TET3: variants seen among roughly 807,000 people sequenced by gnomAD.
The protein encoded by TET3 is methylcytosine dioxygenase TET3.
Under a neutral mutation model 141.4 loss-of-function variants are expected in TET3, and 19 were observed. That is an observed-to-expected ratio of 0.13 (90% CI 0.09 to 0.20). The LOEUF (loss-of-function observed/expected upper bound fraction) is 0.20, where lower values mean the gene tolerates loss of function less well. TET3 is among the 10% of genes least tolerant of loss of function. The pLI is 1.00. For synonymous variants in TET3, 1,043 were observed against 980.9 expected (o/e 1.06, Z -1.18); for missense variants, 1,874 against 2,356.9 (o/e 0.80, Z 4.24).
chr2:74,017,842 T>G (rs2105226011), intron 3 of TET3, among the ~76,000 whole-genome samples: 1 of 152,318 alleles, frequency 6.6e-6, no homozygotes, highest in African/African-American at 2.4e-5. Flanking sequence ...CTGTACTAAT[T>G]TACATTCCCA....
chr2:74,117,496 C>A, the TET3 span, among the ~76,000 whole-genome samples: 4 of 152,258 alleles, frequency 2.6e-5, no homozygotes, highest in African/African-American at 7.2e-5. Flanking sequence ...CCTCCCTCAA[C>A]CTCCTGAGTA....
chr2:74,019,217 A>G (rs1685899952), intron 3 of TET3, among the ~76,000 whole-genome samples: 2 of 152,238 alleles, frequency 1.3e-5, no homozygotes, highest in Admixed American at 6.5e-5. Flanking sequence ...TGATCTGGCC[A>G]CTGCACTCCA....
In TET3 at chr2:74,080,596, G is replaced by GTGT. The variant is rs1689753763; in HGVS notation, c.2679+8_2679+10dup. ...GGTTGCCCCATTGCAAAGTGGGTGA[G>GTGT]TGTTGAGCCCACTCAAGAGCCACAG... On this transcript the variant is annotated splice_donor_region_variant and intron_variant, in intron 6 of 11. Coordinates refer to ENST00000409262, the MANE Select transcript of TET3 (RefSeq NM_001287491.2). The GTGT allele has an allele frequency of 1.2e-6, 2 of 1,607,570 alleles. No homozygotes were observed. Among genetic ancestry groups the GTGT allele is most frequent in the Non-Finnish European group, 1.7e-6 (2 of 1,176,998 alleles).
chr2:74,064,366 T>C (rs1303290973), intron 4 of TET3, among the ~76,000 whole-genome samples: 1 of 152,218 alleles, frequency 6.6e-6, no homozygotes, highest in Non-Finnish European at 1.5e-5. Context: ...AAAGTTATTG[T>C]GTGTAGAAAC....
chr2:74,061,533 T>G (rs1267183357), intron 4 of TET3, among the ~76,000 whole-genome samples: 1 of 114,494 alleles, frequency 8.7e-6, no homozygotes, highest in African/African-American at 3.4e-5. Context: ...CACTTCCCAG[T>G]AGGGGCGGCC....
chr2:74,065,499 C>T (rs752192221), intron 4 of TET3, among the ~76,000 whole-genome samples: 22 of 151,668 alleles, frequency 1.5e-4, no homozygotes, highest in Admixed American at 1.3e-3. Context: ...TCATCCTTTT[C>T]CTGCCTCAGA....
intron 3 of TET3, among the ~76,000 whole-genome samples, chr2:74,004,156 G>A (rs1222179594): frequency 2.0e-5 from 3 of 152,268 alleles, no homozygotes; most frequent in Non-Finnish European, 2.9e-5. Flanking sequence ...CAGGGCTCAT[G>A]GAACTCTTCC....
At position 73,995,515 on chromosome 2, in the gene TET3, G is replaced by T. The variant is rs535063235; in HGVS notation, c.304-7595G>T. On this transcript the variant is annotated intron_variant, in intron 2 of 11. Transcript: ENST00000409262. ...CAGGACCTCCCCAGATTTAAGAAGC[G>T]TGCCCTACCTGAGCCCTCTAATATA... is the stretch of plus-strand genomic sequence containing the variant. Among the ~76,000 whole-genome samples, 6 of 152,286 alleles carry T rather than the reference G, an allele frequency of 3.9e-5. No individual in the cohort carries two copies. The East Asian group carries it at 1.2e-3, about 29-fold the overall frequency.
chr2:74,131,707 G>A, the TET3 span, among the ~76,000 whole-genome samples: 231 of 152,256 alleles, frequency 1.5e-3, no homozygotes, highest in South Asian at 8.7e-3. Flanking sequence ...TTTTTAAAAC[G>A]ACACTGAGCT....
intron 3 of TET3, among the ~76,000 whole-genome samples, chr2:74,027,869 G>A (rs932377941): frequency 2.0e-5 from 3 of 151,898 alleles, no homozygotes; most frequent in African/African-American, 7.3e-5. Context: ...TTAAAATTGG[G>A]GTTTTTTGGT....
At chr2:74,002,274 A>G (rs540038726) in intron 2 of TET3, among the ~76,000 whole-genome samples, 9 of 152,224 alleles carry the variant, frequency 5.9e-5, no homozygotes, top group African/African-American at 1.2e-4. Flanking sequence ...TGAAGGGGCT[A>G]TTGCACCTCA....
intron 3 of TET3, among the ~76,000 whole-genome samples, chr2:74,044,596 C>G (rs1255378204): frequency 6.6e-6 from 1 of 152,218 alleles, no homozygotes; most frequent in Non-Finnish European, 1.5e-5. Flanking sequence ...TGTGGAGCCT[C>G]AGTCGTTTAC....
At chr2:74,026,741 A>G (rs1188993860) in intron 3 of TET3, among the ~76,000 whole-genome samples, 1 of 136,748 alleles carries the variant, frequency 7.3e-6, no homozygotes, top group Non-Finnish European at 1.6e-5. Context: ...TTTTTTTTTT[A>G]ATTCTAAGGG....
chr2:74,027,635 G>T (rs1461814438), intron 3 of TET3, among the ~76,000 whole-genome samples: 2 of 152,124 alleles, frequency 1.3e-5, no homozygotes, highest in Non-Finnish European at 2.9e-5. Context: ...TATCTTTAGT[G>T]TCTGGCTGAC....
At chr2:73,988,728 T>C (rs1456056699) in intron 2 of TET3, among the ~76,000 whole-genome samples, 2 of 152,202 alleles carry the variant, frequency 1.3e-5, no homozygotes, top group African/African-American at 4.8e-5. Flanking sequence ...CATGCTGATC[T>C]GTGGAGTTCT....
chr2:74,021,962 T>A (rs1686067938), intron 3 of TET3, among the ~76,000 whole-genome samples: 1 of 152,200 alleles, frequency 6.6e-6, no homozygotes, highest in South Asian at 2.1e-4. Flanking sequence ...TTTGCCATTG[T>A]CTATTACAAA....
chr2:74,004,180 G>A (rs1187631724), intron 3 of TET3, among the ~76,000 whole-genome samples: 2 of 152,140 alleles, frequency 1.3e-5, no homozygotes, highest in African/African-American at 4.8e-5. Context: ...CGGAGAGGAA[G>A]CGCGTTCCTG....
At chr2:73,999,002 T>C (rs1359238382) in intron 2 of TET3, among the ~76,000 whole-genome samples, 3 of 151,732 alleles carry the variant, frequency 2.0e-5, no homozygotes, top group Non-Finnish European at 4.4e-5. Flanking sequence ...AGATGAGAAA[T>C]GTTAGAAGCG....
intron 5 of TET3, among the ~76,000 whole-genome samples, chr2:74,074,162 G>A (rs182809255): frequency 1.0e-3 from 159 of 152,294 alleles, no homozygotes; most frequent in African/African-American, 3.4e-3. Flanking sequence ...GGACAGGATC[G>A]TAGGAGTGTT....
Sources: gnomAD v4.1 joint callset for allele counts (sites outside exome capture counted in the v4.1 genomes callset) on GRCh38, gnomAD v4.1.1 for gene constraint, MANE v1.5 for transcripts, NCBI Gene and HGNC (gene_info 2026-07-23, HGNC 2026-07-21) for gene names.